The following PTPRK variants were observed in gnomAD, a reference collection of about 807,000 sequenced individuals.
The protein encoded by PTPRK is receptor-type tyrosine-protein phosphatase kappa.
Under a neutral mutation model 178.0 loss-of-function variants are expected in PTPRK, and 75 were observed. The ratio of observed to expected loss-of-function variants is 0.42; its 90% CI spans 0.35 to 0.51. The LOEUF (loss-of-function observed/expected upper bound fraction) is 0.51. Ranked by LOEUF, PTPRK falls within the 20% of genes least tolerant of loss-of-function variation. PTPRK has a pLI of 0.02. For synonymous variants in PTPRK, 637 were observed against 620.6 expected (o/e 1.03, Z -0.39); for missense variants, 1,441 against 1,797.8 (o/e 0.80, Z 3.59).
intron 5 of PTPRK, among the ~76,000 whole-genome samples, chr6:128,222,038 C>A (rs1401959092): frequency 6.6e-6 from 1 of 152,106 alleles, no homozygotes; most frequent in Non-Finnish European, 1.5e-5. Flanking sequence ...CAGGTGTGTT[C>A]TCAAACTCTC....
intron 1 of PTPRK, among the ~76,000 whole-genome samples, chr6:128,485,902 T>C (rs1852789463): frequency 6.6e-6 from 1 of 152,218 alleles, no homozygotes; most frequent in African/African-American, 2.4e-5. Flanking sequence ...AACACACTTT[T>C]TAAAATCTAC....
chr6:128,159,685 A>G (rs1218847638), intron 7 of PTPRK, among the ~76,000 whole-genome samples: 1 of 151,840 alleles, frequency 6.6e-6, no homozygotes, highest in East Asian at 1.9e-4. Context: ...TAAAAAAAAA[A>G]TACAGATGGA....
intron 3 of PTPRK, among the ~76,000 whole-genome samples, chr6:128,296,421 G>A (rs1221535190): frequency 1.7e-4 from 26 of 152,096 alleles, no homozygotes; most frequent in Admixed American, 1.6e-3. Context: ...ACACATAATT[G>A]TCAGATTCAC....
chr6:128,016,314 C>T lies in PTPRK; in HGVS notation c.2195-7046G>A, dbSNP rs9385447. 9.2e-5 allele frequency among the ~76,000 whole-genome samples: 14 copies of T among 151,858 alleles called. No individual in the cohort carries two copies. The East Asian group carries it at 9.7e-4, about 11-fold the overall frequency. ...GACGTTATAAAGGACTATGATAGGGCGAAGAGTATGAGCTAAGTATAGTAA... is the reference window on the plus strand; with the variant it reads ...GACGTTATAAAGGACTATGATAGGGTGAAGAGTATGAGCTAAGTATAGTAA... On this transcript the variant is annotated intron_variant, in intron 13 of 29. Coordinates refer to ENST00000368226, the MANE Select transcript of PTPRK (RefSeq NM_002844.4).
intron 3 of PTPRK, among the ~76,000 whole-genome samples, chr6:128,305,640 G>T (rs775865345): frequency 2.0e-5 from 3 of 152,154 alleles, no homozygotes; most frequent in Non-Finnish European, 4.4e-5. Context: ...TTGAAAATTG[G>T]ATCTTCAGAA....
chr6:128,112,832 T>C (rs1331609356), intron 7 of PTPRK, among the ~76,000 whole-genome samples: 1 of 152,134 alleles, frequency 6.6e-6, no homozygotes, highest in Non-Finnish European at 1.5e-5. Context: ...TGAATTAGAA[T>C]AGCCTGGTTA....
chr6:128,037,646 C>A (rs1485897278), intron 13 of PTPRK, among the ~76,000 whole-genome samples: 1 of 152,124 alleles, frequency 6.6e-6, no homozygotes, highest in Non-Finnish European at 1.5e-5. Flanking sequence ...AAAAATGGAG[C>A]AAAACCCAGT....
intron 25 of PTPRK, among the ~76,000 whole-genome samples, chr6:127,978,505 T>G (rs1774875943): frequency 6.6e-6 from 1 of 152,170 alleles, no homozygotes; most frequent in African/African-American, 2.4e-5. Flanking sequence ...CCCAGCCCTG[T>G]GGAACTGTGA....
At chr6:128,310,074 CTG>C (rs1267808013) in intron 3 of PTPRK, among the ~76,000 whole-genome samples, 1 of 152,134 alleles carries the variant, frequency 6.6e-6, no homozygotes, top group Non-Finnish European at 1.5e-5. Flanking sequence ...GTGAGCTACT[CTG>C]TCTTTACCCA....
intron 1 of PTPRK, among the ~76,000 whole-genome samples, chr6:128,445,191 CTATTT>C (rs1200249725): frequency 7.3e-5 from 9 of 123,896 alleles, no homozygotes; most frequent in Admixed American, 5.3e-4. Flanking sequence ...CCCAACTCTA[CTATTT>C]TATTTATATA....
chr6:128,478,774 G>C (rs1174099668), intron 1 of PTPRK, among the ~76,000 whole-genome samples: 1 of 152,066 alleles, frequency 6.6e-6, no homozygotes, highest in Non-Finnish European at 1.5e-5. Context: ...CAATATTAAA[G>C]TTTTGCTAAT....
At chr6:128,237,494 C>T (rs1010735547) in intron 5 of PTPRK, among the ~76,000 whole-genome samples, 6 of 152,132 alleles carry the variant, frequency 3.9e-5, no homozygotes, top group African/African-American at 1.4e-4. Flanking sequence ...TCATCTTCCA[C>T]ACAAAAAGGT....
chr6:128,088,126 C>T (rs1406990603), intron 8 of PTPRK, among the ~76,000 whole-genome samples: 1 of 152,084 alleles, frequency 6.6e-6, no homozygotes, highest in Non-Finnish European at 1.5e-5. Flanking sequence ...GCCTGTAACC[C>T]TAGCACTTTG....
intron 1 of PTPRK, among the ~76,000 whole-genome samples, chr6:128,440,273 A>G (rs922730068): frequency 1.6e-4 from 25 of 152,204 alleles, no homozygotes; most frequent in African/African-American, 5.8e-4. Context: ...TTAATTTCTT[A>G]TCTCTCAAGG....
chr6:128,006,151 A>C (rs1778388140), intron 14 of PTPRK: 1 of 790,424 alleles, frequency 1.3e-6, no homozygotes, highest in Admixed American at 3.4e-5. Context: ...ATGTGCGTTA[A>C]AAAATAAAAT....
At chr6:128,085,804 A>G (rs1785684889) in intron 8 of PTPRK, among the ~76,000 whole-genome samples, 1 of 152,210 alleles carries the variant, frequency 6.6e-6, no homozygotes, top group Admixed American at 6.5e-5. Flanking sequence ...AAAGTTGTGG[A>G]CAAGAGAGTG....
chr6:128,420,294 T>C (rs1006082572), intron 1 of PTPRK, among the ~76,000 whole-genome samples: 1 of 152,338 alleles, frequency 6.6e-6, no homozygotes. Context: ...CTTTTTTCTA[T>C]GCATAGGGAA....
intron 13 of PTPRK, among the ~76,000 whole-genome samples, chr6:128,011,545 T>C (rs1020458781): frequency 6.6e-6 from 1 of 151,132 alleles, no homozygotes; most frequent in South Asian, 2.1e-4. Flanking sequence ...AAGCAGATAA[T>C]GTATATGGGT....
chr6:127,999,564 CG>C, intron 15 of PTPRK, among the ~76,000 whole-genome samples: 1 of 152,082 alleles, frequency 6.6e-6, no homozygotes, highest in East Asian at 1.9e-4. Flanking sequence ...CTCTTGGCCA[CG>C]CTGCGAGAGA....
Sources: allele counts gnomAD v4.1 joint callset (sites outside exome capture counted in the v4.1 genomes callset), GRCh38; gene constraint gnomAD v4.1.1; transcripts MANE v1.5; gene names NCBI Gene and HGNC (gene_info 2026-07-23, HGNC 2026-07-21).